CACNA1A: variants seen among roughly 807,000 people sequenced by gnomAD.
CACNA1A encodes the protein calcium voltage-gated channel subunit alpha1 A, also known as voltage-dependent P/Q-type calcium channel subunit alpha-1A.
A neutral mutation model predicts 262.4 loss-of-function variants in CACNA1A; 57 were observed. The observed-to-expected ratio is 0.22, with a 90% CI of 0.18 to 0.27. CACNA1A has a LOEUF of 0.27. Among genes scored for constraint, CACNA1A ranks in the 10% least tolerant of loss-of-function variants. The probability of loss-of-function intolerance (pLI) is 1.00; values close to 1 mark genes in which losing one functional copy is unlikely to be tolerated. For synonymous variants in CACNA1A, 1,431 were observed against 1,419.3 expected (o/e 1.01, Z -0.18); for missense variants, 2,526 against 3,562.8 (o/e 0.71, Z 7.41).
Position 13,207,333 on chromosome 19 carries a change from T to A in CACNA1A, c.7501A>T (p.Ser2501Cys), listed in dbSNP as rs1271746453. 3 of 1,561,388 alleles carry A rather than the reference T, an allele frequency of 1.9e-6. No individual in the cohort carries two copies. Among genetic ancestry groups the A allele is most frequent in the South Asian group, 2.3e-5 (2 of 86,932 alleles). Reference protein sequence around the residue: ...RKGLHEPYSESDDDWC With the variant: ...RKGLHEPYSECDDDWC ...CGGGCTTAGCACCAATCATCGTCACTCTCGCTGTAGGGTTCGTGCAGGCCC... is the reference window on the plus strand; with the variant it reads ...CGGGCTTAGCACCAATCATCGTCACACTCGCTGTAGGGTTCGTGCAGGCCC... The change falls in exon 47 of 47, where the codon AGT (serine) becomes TGT (cysteine). Residue 2501 changes from serine (S) to cysteine (C), a missense_variant. Coordinates refer to ENST00000360228, the MANE Select transcript of CACNA1A (RefSeq NM_001127222.2). The surrounding 1 kb of genome is among the most constrained non-coding windows in gnomAD (Gnocchi z 5.7).
intron 30 of CACNA1A, among the ~76,000 whole-genome samples, chr19:13,251,231 C>G (rs970220901): frequency 4.6e-5 from 7 of 151,838 alleles, no homozygotes; most frequent in Non-Finnish European, 1.0e-4. Flanking sequence ...CGCCTGTAAT[C>G]CCAGCACTTT....
rs753862352 is a variant in CACNA1A at position 13,298,805 on chromosome 19, C to T, written c.2828G>A (p.Arg943His). The T allele has an allele frequency of 6.4e-7, 1 of 1,559,140 alleles. No individual in the cohort carries two copies. Among genetic ancestry groups the T allele is most frequent in the South Asian group, 1.2e-5 (1 of 85,550 alleles). Residue 943 changes from arginine to histidine, a missense_variant, in exon 19 of 47, where the codon CGC becomes CAC. Around this residue, in one of 17 missense-constraint regions of CACNA1A, gnomAD observed 765 missense variants for 748.6 expected, o/e 1.02. Coordinates refer to ENST00000360228, the MANE Select transcript of CACNA1A (RefSeq NM_001127222.2). ...CGCGCCCGTGCGCGGGGACCCGCTG[C>T]GGCTCTCCCTGCTGCCCCCCTGCCG... ...VHRQGGSRES[R>H]SGSPRTGADG...
rs10417679 is a variant in CACNA1A, at chr19:13,302,027, C to T, written c.2173-1371G>A. ...TGCTGGGCCCTGGAATCTGCATTTC[C>T]CACAGGTTCCCAAGTGAGCATAAAA... is the stretch of plus-strand genomic sequence containing the variant. On this transcript the variant is annotated intron_variant, in intron 17 of 46. Coordinates refer to ENST00000360228, the MANE Select transcript of CACNA1A (RefSeq NM_001127222.2). 5.5e-3 allele frequency among the ~76,000 whole-genome samples: 844 copies of T among 152,284 alleles called. 12 individuals are homozygous for T. The highest frequency in any genetic ancestry group is 0.019 in the African/African-American group (788 of 41,558).
At chr19:13,323,955 A>G (rs10424173) in intron 10 of CACNA1A, among the ~76,000 whole-genome samples, 46,997 of 152,040 alleles carry the variant, frequency 0.31, 8,114 homozygotes, top group East Asian at 0.52. Flanking sequence ...TCACTTCAGC[A>G]TTATTCACAA....
chr19:13,447,712 T>C (rs759454133), intron 3 of CACNA1A, among the ~76,000 whole-genome samples: 7 of 152,172 alleles, frequency 4.6e-5, no homozygotes, highest in South Asian at 4.1e-4. Flanking sequence ...TGGCTAACCA[T>C]TGGTGTAAGT....
At chr19:13,325,189 TC>T (rs1032976449) in intron 10 of CACNA1A, among the ~76,000 whole-genome samples, 1 of 127,930 alleles carries the variant, frequency 7.8e-6, no homozygotes, top group African/African-American at 3.1e-5. Context: ...CTCTTCTTCT[TC>T]TTCTTCTTTT....
At chr19:13,226,990 C>T in intron 37 of CACNA1A, 1 of 152,802 alleles carries the variant, frequency 6.5e-6, no homozygotes, top group East Asian at 1.9e-4. Context: ...ACCTCGCCTG[C>T]TTTCGGGGGC....
intron 3 of CACNA1A, among the ~76,000 whole-genome samples, chr19:13,430,106 C>T (rs1415265918): frequency 1.4e-5 from 2 of 147,540 alleles, no homozygotes; most frequent in African/African-American, 5.0e-5. Flanking sequence ...AGATGGATGG[C>T]GGTCCTGGTT....
At chr19:13,352,622 T>C (rs1449171720) in intron 6 of CACNA1A, among the ~76,000 whole-genome samples, 1 of 152,150 alleles carries the variant, frequency 6.6e-6, no homozygotes, top group Non-Finnish European at 1.5e-5. Flanking sequence ...TCCCCTCTTA[T>C]CATTTCTTCT....
intron 3 of CACNA1A, among the ~76,000 whole-genome samples, chr19:13,435,355 C>T (rs2060590554): frequency 6.6e-6 from 1 of 151,718 alleles, no homozygotes. Context: ...ATCTGCCCAA[C>T]TCAGCCTCCC....
chr19:13,222,424 C>T (rs2055267696), intron 38 of CACNA1A, among the ~76,000 whole-genome samples: 1 of 125,652 alleles, frequency 8.0e-6, no homozygotes, highest in Non-Finnish European at 1.6e-5. Context: ...CAGATGAAGT[C>T]TCACTCTGTC....
intron 1 of CACNA1A, among the ~76,000 whole-genome samples, chr19:13,462,183 C>T (rs953282959): frequency 6.6e-6 from 1 of 152,184 alleles, no homozygotes; most frequent in Non-Finnish European, 1.5e-5. Flanking sequence ...GTGCCCTTCA[C>T]CCTCATCTCA....
At position 13,323,264 on chromosome 19, in the gene CACNA1A, C is replaced by CAAAACAA. The variant is rs202190724; in HGVS notation, c.1346-5950_1346-5944dup. ...ACAGAGTGAGACTCCCTCTCAAAAA[C>CAAAACAA]AAAACAAAAAACAAAAAACAAACAA... On this transcript the variant is annotated intron_variant, in intron 10 of 46. Transcript: ENST00000360228. 1.7e-4 allele frequency among the ~76,000 whole-genome samples: 25 copies of CAAAACAA among 148,746 alleles called. No homozygotes were observed. The South Asian group carries it at 5.3e-3, about 32-fold the overall frequency.
chr19:13,308,479 C>T lies in CACNA1A; in HGVS notation c.1718G>A (p.Gly573Asp), dbSNP rs1207732710. ...TAACACGCTGATTCCAAAGGATGTGCCAGGTTTTATGACAGCCCAGATGAC... is the reference window on the plus strand; with the variant it reads ...TAACACGCTGATTCCAAAGGATGTGTCAGGTTTTATGACAGCCCAGATGAC... ...FEVIWAVIKP[G>D]TSFGISVLRA... The change falls in exon 13 of 47, where the codon GGC becomes GAC. Residue 573 changes from glycine (G) to aspartate (D), a missense_variant. Around this residue, in one of 17 missense-constraint regions of CACNA1A, gnomAD observed 102 missense variants for 278.9 expected, o/e 0.37. Transcript: ENST00000360228. The surrounding 1 kb of genome is among the most constrained non-coding windows in gnomAD (Gnocchi z 4.2). 1 of 1,613,696 alleles carries T rather than the reference C, an allele frequency of 6.2e-7. No individual in the cohort carries two copies. Among genetic ancestry groups the T allele is most frequent in the Admixed American group, 1.7e-5 (1 of 59,992 alleles).
chr19:13,383,658 G>A (rs933737795), intron 3 of CACNA1A, among the ~76,000 whole-genome samples: 7 of 152,114 alleles, frequency 4.6e-5, no homozygotes, highest in African/African-American at 1.4e-4. Context: ...CTCCTCTGCC[G>A]TCCCCATTCC....
chr19:13,462,035 G>A (rs1020815640), intron 1 of CACNA1A, among the ~76,000 whole-genome samples: 1 of 152,196 alleles, frequency 6.6e-6, no homozygotes, highest in Non-Finnish European at 1.5e-5. Flanking sequence ...AGGGAAGAAG[G>A]AGGGCTTGCA....
At chr19:13,357,599 C>T (rs575064250) in intron 6 of CACNA1A, among the ~76,000 whole-genome samples, 1 of 152,292 alleles carries the variant, frequency 6.6e-6, no homozygotes, top group Admixed American at 6.5e-5. Context: ...CAGCTGCTGA[C>T]AAGTGACCTG....
chr19:13,269,336 C>T (rs1273968070), intron 24 of CACNA1A, among the ~76,000 whole-genome samples: 1 of 152,202 alleles, frequency 6.6e-6, no homozygotes, highest in Non-Finnish European at 1.5e-5. Flanking sequence ...GAGTGACCTG[C>T]CCAAGGGCAG....
At chr19:13,474,635 G>A (rs1978323320) in intron 1 of CACNA1A, among the ~76,000 whole-genome samples, 1 of 152,116 alleles carries the variant, frequency 6.6e-6, no homozygotes, top group Non-Finnish European at 1.5e-5. Context: ...TGGCCAATAT[G>A]GTGAAACCCC....
Sources: gnomAD v4.1 joint callset for allele counts (sites outside exome capture counted in the v4.1 genomes callset) on GRCh38, gnomAD v4.1.1 for gene constraint, gnomAD v4.1.1 regional missense constraint, Gnocchi (gnomAD v3.1) non-coding constraint, MANE v1.5 for transcripts, NCBI Gene and HGNC (gene_info 2026-07-23, HGNC 2026-07-21) for gene names.